RAB41: variants seen among roughly 807,000 people sequenced by gnomAD.
The protein encoded by RAB41 is ras-related protein Rab-41.
Under a neutral mutation model 19.0 loss-of-function variants are expected in RAB41, and 15 were observed. The ratio of observed to expected loss-of-function variants is 0.79; its 90% CI spans 0.53 to 1.21. The LOEUF is 1.21. Among genes scored for constraint, RAB41 ranks in the 50% most tolerant of loss-of-function variants. The pLI, the probability that RAB41 is intolerant of heterozygous loss-of-function variation, is 0.00. For synonymous variants in RAB41, 73 were observed against 64.7 expected (o/e 1.13, Z -0.62); for missense variants, 177 against 179.7 (o/e 0.99, Z 0.09).
chrX:70,283,758 G>A (rs1447032004), intron 5 of RAB41, 134 bp downstream of exon 5: 1 of 546,732 alleles, frequency 1.8e-6, no homozygotes, highest in African/African-American at 2.3e-5. Flanking sequence ...AGGATGGGAA[G>A]GACAGGGGGG....
Position 70,283,547 on chromosome X carries a change from A to G in RAB41, c.378A>G (p.Val126=). ...CTTTTAAGGAGACAGATAAGTGGGT[A>G]GAACACGTGCGAGCAGAAAGAGGTG... ...INSFKETDKW[V]EHVRAERGDD... Residue 126 remains valine (V), a synonymous_variant, in exon 5 of 8, where the codon GTA becomes GTG. Transcript: ENST00000374473. The G allele has an allele frequency of 1.7e-6, 2 of 1,208,801 alleles. No homozygotes were observed. Among genetic ancestry groups the G allele is most frequent in the Non-Finnish European group, 2.2e-6 (2 of 892,519 alleles).
chrX:70,284,069 C>T lies in RAB41; in HGVS notation c.549+26C>T, dbSNP rs1271057613. On this transcript the variant is annotated intron_variant, in intron 6 of 7. Transcript: ENST00000374473. Reference sequence around the variant, plus strand: ...GTAATACTTGTTTCTTTCTATGATACTTTAATTGTGCTCTGTCTGTAGCTA... The same window carrying T: ...GTAATACTTGTTTCTTTCTATGATATTTTAATTGTGCTCTGTCTGTAGCTA... The T allele has an allele frequency of 2.8e-6, 3 of 1,064,634 alleles. No individual in the cohort carries two copies. In the African/African-American group the frequency reaches 5.5e-5, roughly 20 times the overall value. The allele number at this position is 1,064,634 out of a possible 1,213,427, so 87.7% of individuals were successfully genotyped here. A position where few individuals can be genotyped will look rare whatever the true frequency, so the allele number is the denominator to read the frequency against.
At position 70,284,844 on chromosome X, in the gene RAB41, A is replaced by G; in HGVS notation, c.*201A>G. On this transcript the variant is annotated 3_prime_UTR_variant, in exon 8 of 8. Transcript: ENST00000374473. ...CAGCTACTGGGTGGAAGCTTCTTGC[A>G]GCACCTGGGAATTCTACCTTACCTT... The G allele has an allele frequency of 6.8e-6, 3 of 441,406 alleles. No individual in the cohort carries two copies. The highest frequency in any genetic ancestry group is 1.2e-5 in the Non-Finnish European group (3 of 250,470). 36.4% of individuals were successfully genotyped at this position (441,406 alleles called of 1,213,427 possible). A position where few individuals can be genotyped will look rare whatever the true frequency, so the allele number is the denominator to read the frequency against.
rs2085691466 is a variant in RAB41 at position 70,282,323 on chromosome X, T to C, written c.106T>C (p.Phe36Leu). ...YQSLCKSKLL[F>L]LGEQSVGKTS... ...GTCTCTGTGCAAATCTAAACTCTTA[T>C]TCCTGGGAGAGCAGAGCGGTGTGGG... Residue 36 changes from phenylalanine to leucine, a missense_variant, in exon 1 of 8, where the codon TTC (phenylalanine) becomes CTC (leucine). Coordinates refer to ENST00000374473, the MANE Select transcript of RAB41 (RefSeq NM_001363807.1). 8.3e-7 allele frequency: 1 copy of C among 1,211,637 alleles called. No homozygotes were observed. The highest frequency in any genetic ancestry group is 1.1e-6 in the Non-Finnish European group (1 of 895,336).
chrX:70,284,111 T>C (rs1042415939), intron 6 of RAB41, 68 bp downstream of exon 6: 3 of 982,496 alleles, frequency 3.1e-6, no homozygotes, highest in African/African-American at 3.8e-5. Context: ...CTGTTTACTC[T>C]TTTGGATAAG....
intron 5 of RAB41, 82 bp downstream of exon 5, chrX:70,283,706 G>C: frequency 4.2e-6 from 3 of 717,487 alleles, no homozygotes; most frequent in Non-Finnish European, 6.5e-6. Flanking sequence ...ATTTACTTGG[G>C]GAGGAGTTAC....
In RAB41 at chrX:70,284,758, T is replaced by C. The variant is rs1304780361; in HGVS notation, c.*115T>C. ...TGGCCACTTACTCTCTTCCAATTCC[T>C]AGGCTTGGGGTAAAAACAGAACCCC... On this transcript the variant is annotated 3_prime_UTR_variant, in exon 8 of 8. Coordinates refer to ENST00000374473, the MANE Select transcript of RAB41 (RefSeq NM_001363807.1). The C allele has an allele frequency of 4.0e-5, 24 of 597,351 alleles. No individual in the cohort carries two copies. Among genetic ancestry groups the C allele is most frequent in the Non-Finnish European group, 6.7e-5 (24 of 357,093 alleles). The allele number at this position is 597,351 out of a possible 1,213,427, so 49.2% of individuals were successfully genotyped here.
chrX:70,284,227 C>CTT lies in RAB41; in HGVS notation c.550-27_550-26dup. 1.8e-5 allele frequency: 17 copies of CTT among 922,615 alleles called. No individual in the cohort carries two copies. The South Asian group carries it at 2.1e-4, about 11-fold the overall frequency. The allele number at this position is 922,615 out of a possible 1,213,427, so 76.0% of individuals were successfully genotyped here. ...CTGAACCTGACCTTTTTTTTTTCCC[C>CTT]TTTTTTTTTTTTTGGTCCCCATTCA... On this transcript the variant is annotated intron_variant, in intron 6 of 7. Coordinates refer to ENST00000374473, the MANE Select transcript of RAB41 (RefSeq NM_001363807.1).
chrX:70,284,213 C>T, intron 6 of RAB41, 53 bp from the exon 7 acceptor site: 2 of 933,782 alleles, frequency 2.1e-6, no homozygotes, highest in Non-Finnish European at 1.5e-6. Context: ...TGAACCTGAC[C>T]TTTTTTTTTT....
At chrX:70,283,731 C>T (rs762941086) in intron 5 of RAB41, 107 bp downstream of exon 5, 3 of 592,016 alleles carry the variant, frequency 5.1e-6, no homozygotes, top group African/African-American at 4.5e-5. Context: ...GTCCCCTCTG[C>T]CCCCTACCAG....
intron 5 of RAB41, 143 bp from the exon 6 acceptor site, chrX:70,283,805 GGA>G (rs1363133727): frequency 2.1e-5 from 11 of 526,295 alleles, no homozygotes; most frequent in African/African-American, 9.4e-5. Flanking sequence ...TGGGGGTATA[GGA>G]GAGAGTCCCC....
Position 70,282,854 on chromosome X carries a change from TAGTG to T in RAB41, c.237+4_237+7del. 68 of 1,195,143 alleles carry T rather than the reference TAGTG, an allele frequency of 5.7e-5. No individual in the cohort carries two copies. The highest frequency in any genetic ancestry group is 7.3e-5 in the Non-Finnish European group (64 of 881,510). ...AAGACCATGTACTTGGAGGACCAAA[TAGTG>T]AGTGTTAACTCTCATACCACTAACC... On this transcript the variant is annotated splice_donor_variant and splice_donor_region_variant and coding_sequence_variant and intron_variant, in exon 3 of 8. Transcript: ENST00000374473. LOFTEE classifies it high-confidence loss of function.
Position 70,282,503 on chromosome X carries a change from C to T in RAB41, c.125-30C>T, listed in dbSNP as rs750873435. On this transcript the variant is annotated intron_variant, in intron 1 of 7. Coordinates refer to ENST00000374473, the MANE Select transcript of RAB41 (RefSeq NM_001363807.1). ...TTGAGGGGAGAAAGGGCACTGAGGG[C>T]GACGATTGGCCTGCTTATCTCCCTC... 1.0e-5 allele frequency: 12 copies of T among 1,198,058 alleles called. No homozygotes were observed. In the African/African-American group the frequency reaches 1.8e-4, roughly 18 times the overall value.
rs764510151 is a variant in RAB41, at chrX:70,282,217, G to A, written c.-1G>A. ...ATTTTGGCTGCAACCTACCTGAAGC[G>A]ATGTCTGCCTTTGGTCACGACGAGG... On this transcript the variant is annotated 5_prime_UTR_variant, in exon 1 of 8. Coordinates refer to ENST00000374473, the MANE Select transcript of RAB41 (RefSeq NM_001363807.1). 3.5e-5 allele frequency: 42 copies of A among 1,210,759 alleles called. No homozygotes were observed. The highest frequency in any genetic ancestry group is 2.3e-4 in the Middle Eastern group (1 of 4,331).
rs767467934 is a variant in RAB41, at chrX:70,283,641, ACTT to A, written c.455+23_455+25del. The A allele has an allele frequency of 2.9e-5, 31 of 1,082,347 alleles. No individual in the cohort carries two copies. The highest frequency in any genetic ancestry group is 3.7e-5 in the Non-Finnish European group (29 of 778,975). The allele number at this position is 1,082,347 out of a possible 1,213,427, so 89.2% of individuals were successfully genotyped here. On this transcript the variant is annotated intron_variant, in intron 5 of 7. Transcript: ENST00000374473. ...TAACAAAAGGTAAAGTATAACTACA[ACTT>A]CTTCTGGCATACCTAAAATTCAGTC...
Position 70,283,641 on chromosome X carries a change from A to G in RAB41, c.455+17A>G. On this transcript the variant is annotated intron_variant, in intron 5 of 7. Coordinates refer to ENST00000374473, the MANE Select transcript of RAB41 (RefSeq NM_001363807.1). ...TAACAAAAGGTAAAGTATAACTACA[A>G]CTTCTTCTGGCATACCTAAAATTCA... The G allele has an allele frequency of 9.2e-7, 1 of 1,084,036 alleles. No homozygotes were observed. Among genetic ancestry groups the G allele is most frequent in the Non-Finnish European group, 1.3e-6 (1 of 779,215 alleles). The allele number at this position is 1,084,036 out of a possible 1,213,427, so 89.3% of individuals were successfully genotyped here. A position where few individuals can be genotyped will look rare whatever the true frequency, so the allele number is the denominator to read the frequency against.
At position 70,284,589 on chromosome X, in the gene RAB41, G is replaced by A. The variant is rs776632483; in HGVS notation, c.615G>A (p.Thr205=). 21 of 1,204,867 alleles carry A rather than the reference G, an allele frequency of 1.7e-5. No homozygotes were observed. The highest frequency in any genetic ancestry group is 1.5e-4 in the East Asian group (5 of 33,764). Residue 205 remains threonine (T), a splice_region_variant and synonymous_variant, in exon 8 of 8, where the codon ACG becomes ACA. Coordinates refer to ENST00000374473, the MANE Select transcript of RAB41 (RefSeq NM_001363807.1). ...TAGCTTCCTTGACACACACTTCAGC[G>A]GTTGAAATCGAACTGGAATCCTTCG... is the stretch of plus-strand genomic sequence containing the variant. The part of the protein sequence containing the change: ...TRTSPPPKEG[T]VEIELESFEE...
At position 70,283,924 on chromosome X, in the gene RAB41, C is replaced by T. The variant is rs770442578; in HGVS notation, c.456-26C>T. On this transcript the variant is annotated intron_variant, in intron 5 of 7. Coordinates refer to ENST00000374473, the MANE Select transcript of RAB41 (RefSeq NM_001363807.1). ...CTATCCATATCCAATAACTCTGGCC[C>T]TTTTCATCATTTCTGATTCGTCCAG... 4 of 1,096,703 alleles carry T rather than the reference C, an allele frequency of 3.6e-6. No individual in the cohort carries two copies. The South Asian group carries it at 7.5e-5, about 20-fold the overall frequency. 90.4% of individuals were successfully genotyped at this position (1,096,703 alleles called of 1,213,427 possible).
intron 3 of RAB41, 71 bp from the exon 4 acceptor site, chrX:70,283,197 T>C: frequency 1.9e-5 from 17 of 907,883 alleles, no homozygotes; most frequent in Non-Finnish European, 2.4e-5. Context: ...CTTTATTAGG[T>C]TTGAGCTTTT....
Sources: gnomAD v4.1 joint callset for allele counts on GRCh38, gnomAD v4.1.1 for gene constraint, MANE v1.5 for transcripts, NCBI Gene and HGNC (gene_info 2026-07-23, HGNC 2026-07-21) for gene names.